The following DCDC1 variants were observed in gnomAD, a reference collection of about 807,000 sequenced individuals.
DCDC1 encodes doublecortin domain containing 1, also known as doublecortin domain-containing protein 1.
DCDC1 carries 200 observed loss-of-function variants against 178.3 expected under a neutral mutation model. That is an observed-to-expected ratio of 1.12 (90% CI 1.00 to 1.26). The LOEUF (loss-of-function observed/expected upper bound fraction) is 1.26. Among genes scored for constraint, DCDC1 ranks in the 50% most tolerant of loss-of-function variants. DCDC1 has a pLI of 0.00. For missense variants in DCDC1, 1,983 were observed against 1,749.2 expected, an observed-to-expected ratio of 1.13 and a Z score of -2.38; for synonymous variants, 690 against 604.8, an observed-to-expected ratio of 1.14 and a Z score of -2.07.
intron 15 of DCDC1, among the ~76,000 whole-genome samples, chr11:31,095,222 A>G (rs554908897): frequency 3.9e-5 from 6 of 152,296 alleles, no homozygotes; most frequent in Non-Finnish European, 8.8e-5. Context: ...AGTCTTTGCT[A>G]TTGTGAACAG....
intron 9 of DCDC1, among the ~76,000 whole-genome samples, chr11:31,204,551 G>A (rs780562472): frequency 3.9e-5 from 6 of 152,096 alleles, no homozygotes; most frequent in South Asian, 4.1e-4. Flanking sequence ...AATGATAGCC[G>A]GGGGCTCATG....
intron 9 of DCDC1, among the ~76,000 whole-genome samples, chr11:31,158,152 A>G (rs1965926381): frequency 6.6e-6 from 1 of 152,148 alleles, no homozygotes. Context: ...TCTGTCACCC[A>G]GGCTGGAGTG....
chr11:31,043,379 C>T (rs1427127734), intron 20 of DCDC1, among the ~76,000 whole-genome samples: 1 of 152,112 alleles, frequency 6.6e-6, no homozygotes, highest in Non-Finnish European at 1.5e-5. Context: ...ACATCATGTT[C>T]CTTCTTCAAG....
intron 36 of DCDC1, among the ~76,000 whole-genome samples, chr11:30,884,231 A>T: frequency 6.6e-6 from 1 of 151,918 alleles, no homozygotes; most frequent in East Asian, 1.9e-4. Context: ...GGGTTTCACC[A>T]TGTTGCCCAG....
At chr11:30,899,765 G>C in intron 33 of DCDC1, 123 bp from the exon 34 acceptor site, 1 of 701,520 alleles carries the variant, frequency 1.4e-6, no homozygotes, top group Admixed American at 3.7e-5. Context: ...AAAAGGTAAG[G>C]GTCATTAAAA....
At chr11:31,247,207 T>C (rs1335905101) in intron 8 of DCDC1, among the ~76,000 whole-genome samples, 1 of 152,046 alleles carries the variant, frequency 6.6e-6, no homozygotes, top group Non-Finnish European at 1.5e-5. Flanking sequence ...GGATGAATGT[T>C]GACATTAAGG....
intron 9 of DCDC1, among the ~76,000 whole-genome samples, chr11:31,154,045 T>G (rs1174019872): frequency 1.3e-5 from 2 of 152,168 alleles, no homozygotes; most frequent in African/African-American, 2.4e-5. Context: ...CCCTTGCTAT[T>G]CTCACGCTAG....
intron 36 of DCDC1, among the ~76,000 whole-genome samples, chr11:30,887,312 C>A (rs191890484): frequency 9.9e-5 from 15 of 152,266 alleles, no homozygotes; most frequent in African/African-American, 1.4e-4. Context: ...TAAGGCATGA[C>A]AACAACTCCT....
chr11:31,232,948 C>A (rs973324789), intron 9 of DCDC1, among the ~76,000 whole-genome samples: 1 of 152,010 alleles, frequency 6.6e-6, no homozygotes, highest in Non-Finnish European at 1.5e-5. Flanking sequence ...ATTAGCCGGG[C>A]ATGGTGGCAT....
chr11:30,976,191 A>C (rs1288038271), intron 20 of DCDC1, among the ~76,000 whole-genome samples: 1 of 152,022 alleles, frequency 6.6e-6, no homozygotes, highest in Non-Finnish European at 1.5e-5. Flanking sequence ...AAATCAACTC[A>C]AGATGAATTG....
chr11:31,365,745 T>TC (rs1485676093), intron 1 of DCDC1, among the ~76,000 whole-genome samples: 1 of 152,150 alleles, frequency 6.6e-6, no homozygotes, highest in Non-Finnish European at 1.5e-5. Flanking sequence ...ACTTGATCAA[T>TC]CATCTGGGAA....
intron 20 of DCDC1, among the ~76,000 whole-genome samples, chr11:31,015,579 G>A (rs1165517929): frequency 6.6e-6 from 1 of 152,054 alleles, no homozygotes; most frequent in Admixed American, 6.6e-5. Flanking sequence ...ATTATCTTCT[G>A]AAATTTAAAA....
At chr11:30,971,513 C>A (rs1949779025) in intron 20 of DCDC1, among the ~76,000 whole-genome samples, 2 of 148,468 alleles carry the variant, frequency 1.3e-5, no homozygotes, top group African/African-American at 4.9e-5. Context: ...TGAAATAATC[C>A]ATTGAATGAC....
intron 9 of DCDC1, among the ~76,000 whole-genome samples, chr11:31,143,584 C>A (rs940711481): frequency 6.6e-6 from 1 of 152,158 alleles, no homozygotes; most frequent in Non-Finnish European, 1.5e-5. Flanking sequence ...ACAATGCAGG[C>A]AGAACTGAAG....
intron 6 of DCDC1, among the ~76,000 whole-genome samples, chr11:31,292,441 G>T (rs1947300421): frequency 6.6e-6 from 1 of 152,048 alleles, no homozygotes; most frequent in Non-Finnish European, 1.5e-5. Flanking sequence ...CCATAAAAAA[G>T]AATGAAGTAC....
chr11:30,915,484 T>C (rs1033449873), intron 27 of DCDC1, 27 bp downstream of exon 27: 4 of 1,612,664 alleles, frequency 2.5e-6, no homozygotes, highest in Non-Finnish European at 3.4e-6. Flanking sequence ...CCTTTTGATA[T>C]AGTAAACCCA....
chr11:30,931,781 G>A lies in DCDC1; in HGVS notation c.2887C>T (p.Arg963Trp), dbSNP rs150997514. The A allele has an allele frequency of 1.0e-3, 1,610 of 1,610,008 alleles. 1 individual carries two copies. Among genetic ancestry groups the A allele is most frequent in the Non-Finnish European group, 1.3e-3 (1,520 of 1,177,852 alleles). ...ACAAGTTGTTCTTACTGCGTTTTCC[G>A]TCCAGGTGAGATATCTGGACCAAGG... is the stretch of plus-strand genomic sequence containing the variant. ...TILGPDISPG[R>W]KTQCTEILNL... Residue 963 changes from arginine (R) to tryptophan (W), a missense_variant, in exon 22 of 39, where the codon CGG becomes TGG. Transcript: ENST00000684477.
intron 7 of DCDC1, among the ~76,000 whole-genome samples, chr11:31,268,036 T>C (rs1393034687): frequency 5.3e-5 from 8 of 152,200 alleles, no homozygotes; most frequent in Non-Finnish European, 1.2e-4. Flanking sequence ...GCATCTACAG[T>C]TGGTCTCATA....
intron 7 of DCDC1, among the ~76,000 whole-genome samples, chr11:31,267,653 T>C (rs916595282): frequency 3.3e-5 from 5 of 152,210 alleles, no homozygotes; most frequent in African/African-American, 1.2e-4. Flanking sequence ...CTCTTGTGGG[T>C]CAATTTCTTC....
Sources: allele counts gnomAD v4.1 joint callset (sites outside exome capture counted in the v4.1 genomes callset), GRCh38; gene constraint gnomAD v4.1.1; transcripts MANE v1.5; gene names NCBI Gene and HGNC (gene_info 2026-07-23, HGNC 2026-07-21).